The following TAFA5 variants were observed in gnomAD, a reference collection of about 807,000 sequenced individuals.
TAFA5 encodes chemokine-like protein TAFA-5.
TAFA5 carries 6 observed loss-of-function variants against 15.3 expected under a neutral mutation model. The observed-to-expected ratio is 0.39, with a 90% CI of 0.21 to 0.77. TAFA5 has a LOEUF of 0.77. TAFA5 is among the 30% of genes least tolerant of loss of function. TAFA5 has a pLI of 0.41. For synonymous variants in TAFA5, 103 were observed against 80.7 expected (o/e 1.28, Z -1.48); for missense variants, 161 against 193.1 (o/e 0.83, Z 0.98).
In TAFA5 at chr22:48,566,435, G is replaced by A. The variant is rs752577102; in HGVS notation, c.112+76731G>A. On this transcript the variant is annotated intron_variant, in intron 1 of 3. Coordinates refer to ENST00000402357, the MANE Select transcript of TAFA5 (RefSeq NM_001082967.3). The surrounding 1 kb of genome is among the most constrained non-coding windows in gnomAD (Gnocchi z 4.5). Reference sequence around the variant, plus strand: ...TGGATGGATGATGAATGGTAGATGGGTGATGAATGATTGATTGATGGAGGG... The same window carrying A: ...TGGATGGATGATGAATGGTAGATGGATGATGAATGATTGATTGATGGAGGG... Among the ~76,000 whole-genome samples the A allele has an allele frequency of 6.6e-5, 10 of 151,990 alleles. No homozygotes were observed. The highest frequency in any genetic ancestry group is 1.5e-4 in the Non-Finnish European group (10 of 67,974).
intron 2 of TAFA5, among the ~76,000 whole-genome samples, chr22:48,683,349 G>GA (rs1482016736): frequency 6.6e-6 from 1 of 152,258 alleles, no homozygotes; most frequent in Non-Finnish European, 1.5e-5. Context: ...CCGGTGGTGA[G>GA]AGAGCGCCAG....
intron 1 of TAFA5, among the ~76,000 whole-genome samples, chr22:48,646,355 C>A (rs1446338077): frequency 6.6e-6 from 1 of 152,234 alleles, no homozygotes; most frequent in African/African-American, 2.4e-5. Flanking sequence ...GGCAGCACCA[C>A]CGCCTGAACA....
chr22:48,699,690 A>T (rs896742212), intron 2 of TAFA5, among the ~76,000 whole-genome samples: 10 of 152,218 alleles, frequency 6.6e-5, no homozygotes, highest in Non-Finnish European at 1.2e-4. Flanking sequence ...CTTGCCTAAG[A>T]TGTCTCTTTC....
intron 1 of TAFA5, among the ~76,000 whole-genome samples, chr22:48,597,468 C>T (rs191914039): frequency 0.011 from 1,675 of 151,910 alleles, 14 homozygotes; most frequent in Non-Finnish European, 0.016. Context: ...CTCTTCACCA[C>T]GCCACCATGG....
chr22:48,591,000 C>T (rs1164895601), intron 1 of TAFA5, among the ~76,000 whole-genome samples: 1 of 152,140 alleles, frequency 6.6e-6, no homozygotes, highest in Non-Finnish European at 1.5e-5. Context: ...TACAGGCGCC[C>T]ATCACCACGC....
chr22:48,520,221 A>G (rs1921556197), intron 1 of TAFA5, among the ~76,000 whole-genome samples: 1 of 152,234 alleles, frequency 6.6e-6, no homozygotes, highest in Admixed American at 6.5e-5. Context: ...CTGGCCCAGA[A>G]CTGTGTGAAG....
intron 2 of TAFA5, among the ~76,000 whole-genome samples, chr22:48,653,409 CA>C (rs1927126090): frequency 2.6e-5 from 4 of 152,200 alleles, no homozygotes; most frequent in African/African-American, 9.6e-5. Flanking sequence ...AGCAGGTGGG[CA>C]GGGCAGGGCA....
chr22:48,554,254 G>A (rs571035758), intron 1 of TAFA5, among the ~76,000 whole-genome samples: 1 of 152,076 alleles, frequency 6.6e-6, no homozygotes, highest in African/African-American at 2.4e-5. Context: ...TGACGGGCTA[G>A]TTTAGGCCGT....
chr22:48,521,225 T>C (rs1324337486), intron 1 of TAFA5, among the ~76,000 whole-genome samples: 1 of 152,196 alleles, frequency 6.6e-6, no homozygotes, highest in African/African-American at 2.4e-5. Flanking sequence ...TACAGGCTCA[T>C]CTGGGCACTT....
At position 48,652,367 on chromosome 22, in the gene TAFA5, T is replaced by G. The variant is rs369046428; in HGVS notation, c.262+5621T>G. Among the ~76,000 whole-genome samples the G allele has an allele frequency of 2.5e-4, 38 of 152,342 alleles. No homozygotes were observed. In the South Asian group the frequency reaches 7.9e-3, roughly 32 times the overall value. On this transcript the variant is annotated intron_variant, in intron 2 of 3. Coordinates refer to ENST00000402357, the MANE Select transcript of TAFA5 (RefSeq NM_001082967.3). Reference sequence around the variant, plus strand: ...TGGAGAGGCTGTGGCTGGCCCTGCCTGCCCCGTTCATCCCTTCGGCAAGTG... The same window carrying G: ...TGGAGAGGCTGTGGCTGGCCCTGCCGGCCCCGTTCATCCCTTCGGCAAGTG...
At chr22:48,543,413 C>T (rs2147121815) in intron 1 of TAFA5, 1 of 152,292 alleles carries the variant, frequency 6.6e-6, no homozygotes, top group Non-Finnish European at 1.5e-5. Flanking sequence ...GAGGAAATGT[C>T]ACCCAGGAAC....
intron 1 of TAFA5, among the ~76,000 whole-genome samples, chr22:48,579,128 G>T (rs76858189): frequency 0.015 from 1,161 of 76,520 alleles, 9 homozygotes; most frequent in East Asian, 0.027. Flanking sequence ...TGGCTAATCC[G>T]TCCCCCCCTG....
intron 1 of TAFA5, among the ~76,000 whole-genome samples, chr22:48,619,374 T>C (rs528324629): frequency 4.6e-5 from 7 of 152,298 alleles, no homozygotes; most frequent in Admixed American, 2.6e-4. Context: ...GATTGGTTTA[T>C]AGACAGAGTC....
At chr22:48,596,287 C>T (rs1210162499) in intron 1 of TAFA5, among the ~76,000 whole-genome samples, 3 of 152,202 alleles carry the variant, frequency 2.0e-5, no homozygotes, top group Non-Finnish European at 4.4e-5. Context: ...CTGTTGACCA[C>T]GCTGTGCCTC....
chr22:48,691,636 G>A (rs372984747), intron 2 of TAFA5, among the ~76,000 whole-genome samples: 3 of 152,310 alleles, frequency 2.0e-5, no homozygotes, highest in Non-Finnish European at 4.4e-5. Context: ...TGCTGCAGGC[G>A]CTCAGTCCTG....
At chr22:48,635,587 A>G (rs974927619) in intron 1 of TAFA5, among the ~76,000 whole-genome samples, 4 of 152,144 alleles carry the variant, frequency 2.6e-5, no homozygotes, top group Middle Eastern at 3.4e-3. Context: ...CATCCCAGCT[A>G]AGGGGGGCAG....
At chr22:48,514,029 G>A (rs929186450) in intron 1 of TAFA5, among the ~76,000 whole-genome samples, 17 of 152,112 alleles carry the variant, frequency 1.1e-4, no homozygotes, top group African/African-American at 3.9e-4. Context: ...CAGGTCTCTC[G>A]GGGGTGTAGA....
chr22:48,659,678 C>G (rs1471663604), intron 2 of TAFA5, among the ~76,000 whole-genome samples: 3 of 152,208 alleles, frequency 2.0e-5, no homozygotes, highest in Admixed American at 6.5e-5. Flanking sequence ...CTGCTGTCCT[C>G]TCTGAGCTGT....
At chr22:48,580,057 G>C (rs760066876) in intron 1 of TAFA5, among the ~76,000 whole-genome samples, 11 of 152,208 alleles carry the variant, frequency 7.2e-5, no homozygotes, top group Non-Finnish European at 4.4e-5. Context: ...TGCGTCCAGC[G>C]GCCGCGGCAC....
Sources: gnomAD v4.1 joint callset for allele counts (sites outside exome capture counted in the v4.1 genomes callset) on GRCh38, gnomAD v4.1.1 for gene constraint, Gnocchi (gnomAD v3.1) non-coding constraint, MANE v1.5 for transcripts, NCBI Gene and HGNC (gene_info 2026-07-23, HGNC 2026-07-21) for gene names.